The following PTTG1IP2 variants were observed in gnomAD, a reference collection of about 807,000 sequenced individuals.
PTTG1IP2 encodes the protein PTTG1IP family member 2.
chr7:90,512,038 A>C lies in PTTG1IP2; in HGVS notation c.*51-1240A>C, dbSNP rs1798196533. ...AGTTCTTGACATAGAGTCGTTATAC[A>C]TGTTGACTTGAATAGTAATGATAAG... On this transcript the variant is annotated intron_variant, in intron 6 of 6. Coordinates refer to ENST00000509356, the MANE Select transcript of PTTG1IP2 (RefSeq NM_001365443.2). Among the ~76,000 whole-genome samples, 4 of 152,342 alleles carry C rather than the reference A, an allele frequency of 2.6e-5. No homozygotes were observed. In the South Asian group the frequency reaches 8.3e-4, roughly 32 times the overall value.
intron 1 of PTTG1IP2, among the ~76,000 whole-genome samples, chr7:90,474,090 A>G (rs1295201951): frequency 6.6e-6 from 1 of 152,214 alleles, no homozygotes; most frequent in Non-Finnish European, 1.5e-5. Flanking sequence ...ACACAAACCT[A>G]GATAGTATAG....
At chr7:90,485,795 G>A (rs139750122) in intron 2 of PTTG1IP2, among the ~76,000 whole-genome samples, 19 of 152,268 alleles carry the variant, frequency 1.2e-4, no homozygotes, top group African/African-American at 4.6e-4. Flanking sequence ...AGTGCGCATA[G>A]CTCTTAGCTG....
chr7:90,486,795 TA>T (rs1322035635), intron 2 of PTTG1IP2, among the ~76,000 whole-genome samples: 3 of 152,226 alleles, frequency 2.0e-5, no homozygotes, highest in Non-Finnish European at 4.4e-5. Flanking sequence ...TTTTGTTTCC[TA>T]AACCTAGAGT....
chr7:90,498,441 G>A (rs1300133586), intron 6 of PTTG1IP2, among the ~76,000 whole-genome samples: 2 of 152,150 alleles, frequency 1.3e-5, no homozygotes, highest in African/African-American at 4.8e-5. Context: ...CCATCTTTAA[G>A]GACACACATA....
chr7:90,479,984 G>T (rs116315282), intron 2 of PTTG1IP2, among the ~76,000 whole-genome samples: 1 of 152,096 alleles, frequency 6.6e-6, no homozygotes, highest in Non-Finnish European at 1.5e-5. Flanking sequence ...TCTATCACTC[G>T]TCTACTTTAA....
At chr7:90,505,244 A>C (rs1156597807) in intron 6 of PTTG1IP2, among the ~76,000 whole-genome samples, 1 of 152,252 alleles carries the variant, frequency 6.6e-6, no homozygotes, top group Non-Finnish European at 1.5e-5. Context: ...AAAGGCAATA[A>C]TATTTTCTAC....
chr7:90,495,370 G>A (rs1797981443), intron 6 of PTTG1IP2, among the ~76,000 whole-genome samples: 1 of 152,192 alleles, frequency 6.6e-6, no homozygotes, highest in Admixed American at 6.5e-5. Flanking sequence ...TTCCAGTGCT[G>A]GAATCCTCTT....
intron 5 of PTTG1IP2, 129 bp downstream of exon 5, chr7:90,492,438 T>C (rs1469107574): frequency 4.6e-5 from 7 of 152,220 alleles, no homozygotes; most frequent in African/African-American, 7.2e-5. Context: ...GTAATCTCAA[T>C]GTTTTGAAAG....
intron 2 of PTTG1IP2, among the ~76,000 whole-genome samples, chr7:90,482,010 A>G (rs1266722360): frequency 6.6e-6 from 1 of 152,200 alleles, no homozygotes; most frequent in Non-Finnish European, 1.5e-5. Flanking sequence ...TGTAATTTTT[A>G]AAATATTTCC....
At chr7:90,505,857 G>A (rs1259388383) in intron 6 of PTTG1IP2, among the ~76,000 whole-genome samples, 4 of 151,804 alleles carry the variant, frequency 2.6e-5, no homozygotes, top group African/African-American at 7.3e-5. Context: ...GGTGGCGGGC[G>A]CCTGTAGTCC....
chr7:90,510,270 T>C (rs1053995002), intron 6 of PTTG1IP2, among the ~76,000 whole-genome samples: 1 of 152,124 alleles, frequency 6.6e-6, no homozygotes, highest in African/African-American at 2.4e-5. Flanking sequence ...TTATCACACA[T>C]ATTTACATAT....
intron 1 of PTTG1IP2, among the ~76,000 whole-genome samples, chr7:90,476,252 AAT>A (rs748651026): frequency 1.3e-5 from 2 of 152,236 alleles, no homozygotes; most frequent in Non-Finnish European, 2.9e-5. Context: ...CAGCAATTTA[AAT>A]ATGTCAAATA....
At chr7:90,472,942 C>G (rs1797708087) in intron 1 of PTTG1IP2, among the ~76,000 whole-genome samples, 2 of 152,160 alleles carry the variant, frequency 1.3e-5, no homozygotes, top group Admixed American at 1.3e-4. Context: ...TGGTATACCA[C>G]TTCTGGCTGA....
At chr7:90,501,401 G>C (rs571199786) in intron 6 of PTTG1IP2, among the ~76,000 whole-genome samples, 1 of 152,304 alleles carries the variant, frequency 6.6e-6, no homozygotes, top group Admixed American at 6.5e-5. Flanking sequence ...AGACATAGTA[G>C]CTTACACCTG....
chr7:90,512,346 AG>A (rs1798200013), intron 6 of PTTG1IP2, among the ~76,000 whole-genome samples: 1 of 152,144 alleles, frequency 6.6e-6, no homozygotes, highest in Non-Finnish European at 1.5e-5. Flanking sequence ...AGGGGAAAGA[AG>A]GGTGGAGAAT....
At chr7:90,478,206 C>A (rs1797774260) in intron 1 of PTTG1IP2, among the ~76,000 whole-genome samples, 1 of 150,824 alleles carries the variant, frequency 6.6e-6, no homozygotes, top group Non-Finnish European at 1.5e-5. Context: ...TGAAATTATA[C>A]AAAAATAAAA....
At chr7:90,486,722 A>G (rs1797878915) in intron 2 of PTTG1IP2, among the ~76,000 whole-genome samples, 1 of 152,248 alleles carries the variant, frequency 6.6e-6, no homozygotes, top group Non-Finnish European at 1.5e-5. Flanking sequence ...AAAGAGTGAT[A>G]GAGAGATTTT....
rs1322819575 is a variant in PTTG1IP2 at position 90,497,097 on chromosome 7, T to C, written c.*50+2667T>C. 3.3e-5 allele frequency among the ~76,000 whole-genome samples: 5 copies of C among 152,366 alleles called. No individual in the cohort carries two copies. In the East Asian group the frequency reaches 7.7e-4, roughly 23 times the overall value. ...CTTACATTTGTAAAAACTTGTTTTG[T>C]GGCCTAACATATGGTCTACGTTAGT... On this transcript the variant is annotated intron_variant, in intron 6 of 6. Coordinates refer to ENST00000509356, the MANE Select transcript of PTTG1IP2 (RefSeq NM_001365443.2).
rs543787712 is a variant in PTTG1IP2 at position 90,497,973 on chromosome 7, A to G, written c.*50+3543A>G. Reference sequence around the variant, plus strand: ...CCTTCAGATCTATTAATATTCATATATTTTGTTGAGTGCATGTATATTTAT... The same window carrying G: ...CCTTCAGATCTATTAATATTCATATGTTTTGTTGAGTGCATGTATATTTAT... On this transcript the variant is annotated intron_variant, in intron 6 of 6. Transcript: ENST00000509356. 1.8e-4 allele frequency among the ~76,000 whole-genome samples: 28 copies of G among 151,582 alleles called. No homozygotes were observed. In the South Asian group the frequency reaches 5.8e-3, roughly 31 times the overall value.
Sources: allele counts gnomAD v4.1 joint callset (sites outside exome capture counted in the v4.1 genomes callset), GRCh38; gene constraint gnomAD v4.1.1; transcripts MANE v1.5; gene names NCBI Gene and HGNC (gene_info 2026-07-23, HGNC 2026-07-21).